Variants in CRMP1 observed in about 807,000 individuals in gnomAD.
The protein encoded by CRMP1 is dihydropyrimidinase-related protein 1.
CRMP1 carries 19 observed loss-of-function variants against 68.3 expected under a neutral mutation model. The observed-to-expected ratio is 0.28, with a 90% confidence interval of 0.19 to 0.41. The LOEUF (loss-of-function observed/expected upper bound fraction) is 0.41, where lower values mean the gene tolerates loss of function less well. Among genes scored for constraint, CRMP1 ranks in the 10% least tolerant of loss-of-function variants. CRMP1 has a pLI of 1.00. For missense variants in CRMP1, 791 were observed against 967.4 expected (o/e 0.82, Z 2.42); for synonymous variants, 439 against 399.6 (o/e 1.10, Z -1.18).
chr4:5,824,655 AACATCCTAGATGTTG>A lies in CRMP1; in HGVS notation c.1969+824_1969+838del, dbSNP rs528885559. ...ACATTTTCAAATGGCTATTGAATAT[AACATCCTAGATGTTG>A]ACATCCTAGATGTTGCCTCTTAGCT... On this transcript the variant is annotated intron_variant, in intron 13 of 13. Coordinates refer to ENST00000324989, the MANE Select transcript of CRMP1 (RefSeq NM_001014809.3). The A allele has an allele frequency of 1.3e-3, 1,245 of 944,026 alleles. 8 individuals carry two copies. The African/African-American group carries it at 0.022, about 16-fold the overall frequency. 58.5% of individuals were successfully genotyped at this position (944,026 alleles called of 1,614,324 possible). A position where few individuals can be genotyped will look rare whatever the true frequency, so the allele number is the denominator to read the frequency against.
At chr4:5,840,171 A>T (rs1711602426) in intron 8 of CRMP1, among the ~76,000 whole-genome samples, 1 of 152,138 alleles carries the variant, frequency 6.6e-6, no homozygotes, top group Non-Finnish European at 1.5e-5. Flanking sequence ...GGCACAGCTG[A>T]GGGCCCTGGC....
In CRMP1 at chr4:5,890,845, G is replaced by A. The variant is rs1183892150; in HGVS notation, c.381+1744C>T. Among the ~76,000 whole-genome samples the A allele has an allele frequency of 6.6e-6, 1 of 152,040 alleles. No homozygotes were observed. The highest frequency in any genetic ancestry group is 1.5e-5 in the Non-Finnish European group (1 of 68,000). On this transcript the variant is annotated intron_variant, in intron 1 of 13. Transcript: ENST00000324989. This position sits in a 1 kb window ranked among gnomAD's most constrained non-coding sequence, Gnocchi z 5.5. ...AGGAACTCTCCTTGGGACAGCTACG[G>A]GCCGTGCACAAAGCGCCCTCGCCTC...
rs1577832181 is a variant in CRMP1 at position 5,872,729 on chromosome 4, C to A, written c.382-5973G>T. On this transcript the variant is annotated intron_variant, in intron 1 of 13. Transcript: ENST00000324989. This position sits in a 1 kb window ranked among gnomAD's most constrained non-coding sequence, Gnocchi z 4.6. Reference sequence around the variant, plus strand: ...TATAAACCTTGAAGAAATAAAGCATCTCATGAAAAACTCAGCCAAAGTCTA... The same window carrying A: ...TATAAACCTTGAAGAAATAAAGCATATCATGAAAAACTCAGCCAAAGTCTA... 6.6e-6 allele frequency among the ~76,000 whole-genome samples: 1 copy of A among 152,184 alleles called. No homozygotes were observed. The highest frequency in any genetic ancestry group is 2.4e-5 in the African/African-American group (1 of 41,440).
At chr4:5,844,423 G>C (rs989991753) in intron 6 of CRMP1, among the ~76,000 whole-genome samples, 1 of 152,092 alleles carries the variant, frequency 6.6e-6, no homozygotes, top group African/African-American at 2.4e-5. Flanking sequence ...GGAGGGAGAA[G>C]AGGCGAGGAA....
Position 5,855,256 on chromosome 4 carries a change from T to G in CRMP1, c.820+887A>C, listed in dbSNP as rs547558923. ...TTTTTTTCCTTCCATTTTCTGACTTTCTTTAAATATTGGGGATGATACTGT... is the reference window on the plus strand; with the variant it reads ...TTTTTTTCCTTCCATTTTCTGACTTGCTTTAAATATTGGGGATGATACTGT... On this transcript the variant is annotated intron_variant, in intron 4 of 13. Coordinates refer to ENST00000324989, the MANE Select transcript of CRMP1 (RefSeq NM_001014809.3). The surrounding 1 kb of genome is among the most constrained non-coding windows in gnomAD (Gnocchi z 4.9). Among the ~76,000 whole-genome samples, 3 of 152,264 alleles carry G rather than the reference T, an allele frequency of 2.0e-5. No individual in the cohort carries two copies. The South Asian group carries it at 6.2e-4, about 32-fold the overall frequency.
chr4:5,821,871 GC>G lies in CRMP1; in HGVS notation c.1970-21del. On this transcript the variant is annotated intron_variant, in intron 13 of 13. Coordinates refer to ENST00000324989, the MANE Select transcript of CRMP1 (RefSeq NM_001014809.3). The surrounding 1 kb of genome is among the most constrained non-coding windows in gnomAD (Gnocchi z 4.4). Reference sequence around the variant, plus strand: ...GGGCACCTGAAAGAGAGCGCCAATCGCTGCTGGATGGGATCTGTTAGCATCA... The same window carrying G: ...GGGCACCTGAAAGAGAGCGCCAATCGTGCTGGATGGGATCTGTTAGCATCA... The G allele has an allele frequency of 6.5e-7, 1 of 1,531,778 alleles. No individual in the cohort carries two copies. The highest frequency in any genetic ancestry group is 1.2e-5 in the South Asian group (1 of 83,576). 94.9% of individuals were successfully genotyped at this position (1,531,778 alleles called of 1,614,324 possible).
intron 6 of CRMP1, among the ~76,000 whole-genome samples, chr4:5,844,645 G>A (rs1455154345): frequency 3.3e-5 from 5 of 152,244 alleles, no homozygotes; most frequent in Admixed American, 6.5e-5. Context: ...AAAAGGTGAT[G>A]GATGTGCTGG....
chr4:5,867,636 G>A (rs986028459), intron 1 of CRMP1, among the ~76,000 whole-genome samples: 1 of 152,132 alleles, frequency 6.6e-6, no homozygotes, highest in African/African-American at 2.4e-5. Flanking sequence ...ACCAGGCACA[G>A]AGCTGGAATC....
In CRMP1 at chr4:5,850,420, G is replaced by A. The variant is rs998756722; in HGVS notation, c.883-948C>T. Among the ~76,000 whole-genome samples, 2 of 152,108 alleles carry A rather than the reference G, an allele frequency of 1.3e-5. No individual in the cohort carries two copies. Among genetic ancestry groups the A allele is most frequent in the African/African-American group, 2.4e-5 (1 of 41,414 alleles). ...ATTTTCAGCTCTTTGAGTGTCTTTT[G>A]TTGACTGTATCAAAGGCCTCCAGGA... On this transcript the variant is annotated intron_variant, in intron 5 of 13. Coordinates refer to ENST00000324989, the MANE Select transcript of CRMP1 (RefSeq NM_001014809.3). The surrounding 1 kb of genome is among the most constrained non-coding windows in gnomAD (Gnocchi z 4.4).
At chr4:5,875,521 T>G (rs1714748125) in intron 1 of CRMP1, among the ~76,000 whole-genome samples, 1 of 152,086 alleles carries the variant, frequency 6.6e-6, no homozygotes. Flanking sequence ...GTTATTACGG[T>G]GACAGAGAAA....
chr4:5,831,436 T>C (rs1720376189), intron 11 of CRMP1, among the ~76,000 whole-genome samples: 1 of 152,218 alleles, frequency 6.6e-6, no homozygotes. Flanking sequence ...CTGTTGACAC[T>C]GTGCCAGCCT....
At chr4:5,885,203 C>T (rs914258800) in intron 1 of CRMP1, among the ~76,000 whole-genome samples, 3 of 152,136 alleles carry the variant, frequency 2.0e-5, no homozygotes, top group African/African-American at 7.2e-5. Context: ...CCATGCTGCG[C>T]CCCTGCCTGT....
rs561874366 is a variant in CRMP1, at chr4:5,865,418, G to A, written c.470+1250C>T. 6.9e-4 allele frequency among the ~76,000 whole-genome samples: 105 copies of A among 152,080 alleles called. No homozygotes were observed. The highest frequency in any genetic ancestry group is 2.4e-3 in the African/African-American group (99 of 41,496). On this transcript the variant is annotated intron_variant, in intron 2 of 13. Transcript: ENST00000324989. This position sits in a 1 kb window ranked among gnomAD's most constrained non-coding sequence, Gnocchi z 4.1. ...GAGCGGATCACGAGGTCAGGAGATC[G>A]AGACCATCCTGGCCAACATGGTGAA...
chr4:5,863,394 A>T (rs1713735354), intron 2 of CRMP1, among the ~76,000 whole-genome samples: 1 of 152,200 alleles, frequency 6.6e-6, no homozygotes, highest in Non-Finnish European at 1.5e-5. Context: ...CCCAGATTCA[A>T]GCCCAGGTCT....
intron 11 of CRMP1, among the ~76,000 whole-genome samples, chr4:5,830,516 T>C (rs1720294130): frequency 6.6e-6 from 1 of 152,246 alleles, no homozygotes; most frequent in African/African-American, 2.4e-5. Flanking sequence ...CATGGTTTGA[T>C]TTGTTTGATA....
At chr4:5,824,656 A>G in intron 13 of CRMP1, 1 of 955,322 alleles carries the variant, frequency 1.0e-6, no homozygotes, top group South Asian at 4.9e-5. Flanking sequence ...ATTGAATATA[A>G]CATCCTAGAT....
At chr4:5,887,895 G>A (rs1166760111) in intron 1 of CRMP1, 3 of 730,240 alleles carry the variant, frequency 4.1e-6, no homozygotes, top group East Asian at 7.2e-5. Flanking sequence ...GAGGGGGTTC[G>A]GACCCCTGCC....
rs1553903977 is a variant in CRMP1 at position 5,837,650 on chromosome 4, T to TAAAATAAAATATAAAATAA, written c.1311-745_1311-744insTTATTTTATATTTTATTTT. ...TCTCAAAAAATAAAATAAAATAAAA[T>TAAAATAAAATATAAAATAA]AATAAAATAAAATAAAATAAAATAA... On this transcript the variant is annotated intron_variant, in intron 9 of 13. Transcript: ENST00000324989. Among the ~76,000 whole-genome samples the TAAAATAAAATATAAAATAA allele has an allele frequency of 1.3e-4, 17 of 134,846 alleles. 1 individual carries two copies. The highest frequency in any genetic ancestry group is 5.1e-4 in the African/African-American group (17 of 33,452). 88.5% of individuals were successfully genotyped at this position (134,846 alleles called of 152,430 possible). A position where few individuals can be genotyped will look rare whatever the true frequency, so the allele number is the denominator to read the frequency against.
chr4:5,887,621 C>A (rs1013074111), intron 1 of CRMP1: 1 of 985,050 alleles, frequency 1.0e-6, no homozygotes, highest in South Asian at 4.7e-5. Context: ...GAACATTAAC[C>A]CTTCCCGGGC....
Sources: allele counts gnomAD v4.1 joint callset (sites outside exome capture counted in the v4.1 genomes callset), GRCh38; gene constraint gnomAD v4.1.1; non-coding constraint Gnocchi (gnomAD v3.1); transcripts MANE v1.5; gene names NCBI Gene and HGNC (gene_info 2026-07-23, HGNC 2026-07-21).